The following GPC6 variants were observed in gnomAD, a reference collection of about 807,000 sequenced individuals.
GPC6 encodes the protein glypican-6.
Under a neutral mutation model 55.2 loss-of-function variants are expected in GPC6, and 14 were observed. The observed-to-expected ratio is 0.25, with a 90% CI of 0.17 to 0.40. GPC6 has a LOEUF of 0.40. Among genes scored for constraint, GPC6 ranks in the 10% least tolerant of loss-of-function variants. GPC6 has a pLI of 1.00. For synonymous variants in GPC6, 278 were observed against 259.6 expected, an observed-to-expected ratio of 1.07 and a Z score of -0.68; for missense variants, 641 against 708.5, an observed-to-expected ratio of 0.90 and a Z score of 1.08.
chr13:94,170,552 A>C (rs1888527861), intron 4 of GPC6, among the ~76,000 whole-genome samples: 1 of 152,208 alleles, frequency 6.6e-6, no homozygotes, highest in African/African-American at 2.4e-5. Flanking sequence ...GTTAGCCAGA[A>C]GGCAGAGAAA....
chr13:93,523,030 T>C (rs2389007), intron 1 of GPC6, among the ~76,000 whole-genome samples: 9,627 of 146,776 alleles, frequency 0.066, 956 homozygotes, highest in African/African-American at 0.22. Flanking sequence ...TATATATATA[T>C]ACAAATACAT....
intron 1 of GPC6, among the ~76,000 whole-genome samples, chr13:93,466,147 A>T (rs1878895268): frequency 6.9e-6 from 1 of 145,426 alleles, no homozygotes; most frequent in Non-Finnish European, 1.5e-5. Context: ...TGCCATGAGC[A>T]CATACTGTGT....
chr13:94,373,360 A>G (rs1352987632), intron 6 of GPC6, among the ~76,000 whole-genome samples: 1 of 152,034 alleles, frequency 6.6e-6, no homozygotes, highest in Non-Finnish European at 1.5e-5. Context: ...AATACAGAGA[A>G]GTGCTTAAAG....
rs573627964 is a variant in GPC6, at chr13:94,305,025, A to G, written c.1009-955A>G. Among the ~76,000 whole-genome samples the G allele has an allele frequency of 1.1e-3, 165 of 152,380 alleles. 1 individual carries two copies. Among genetic ancestry groups the G allele is most frequent in the African/African-American group, 3.8e-3 (156 of 41,596 alleles). ...CAATGAAATAATTTGTCATGATAACAGGAATCCCAAACGGATGTTTATAGA... is the reference window on the plus strand; with the variant it reads ...CAATGAAATAATTTGTCATGATAACGGGAATCCCAAACGGATGTTTATAGA... On this transcript the variant is annotated intron_variant, in intron 5 of 8. Transcript: ENST00000377047.
intron 2 of GPC6, among the ~76,000 whole-genome samples, chr13:93,770,624 GGGAT>G (rs1885260491): frequency 6.6e-6 from 1 of 152,140 alleles, no homozygotes; most frequent in Non-Finnish European, 1.5e-5. Flanking sequence ...TGATAGGAGA[GGGAT>G]TCTACCCACC....
At chr13:93,965,449 A>G (rs960678038) in intron 3 of GPC6, among the ~76,000 whole-genome samples, 4 of 152,044 alleles carry the variant, frequency 2.6e-5, no homozygotes, top group Non-Finnish European at 4.4e-5. Flanking sequence ...ATACTTTGCA[A>G]TTCATTCGGT....
Position 93,565,912 on chromosome 13 carries a change from A to T in GPC6, c.319+20491A>T, listed in dbSNP as rs558733971. 4.8e-5 allele frequency among the ~76,000 whole-genome samples: 7 copies of T among 144,730 alleles called. No individual in the cohort carries two copies. In the East Asian group the frequency reaches 1.4e-3, roughly 30 times the overall value. The allele number at this position is 144,730 out of a possible 152,430, so 94.9% of individuals were successfully genotyped here. A position where few individuals can be genotyped will look rare whatever the true frequency, so the allele number is the denominator to read the frequency against. On this transcript the variant is annotated intron_variant, in intron 2 of 8. Coordinates refer to ENST00000377047, the MANE Select transcript of GPC6 (RefSeq NM_005708.5). Reference sequence around the variant, plus strand: ...ATTCCAGCCTGGGTGACAGGGTGAGACTCTGTCTCAAAACAAACAAACAAA... The same window carrying T: ...ATTCCAGCCTGGGTGACAGGGTGAGTCTCTGTCTCAAAACAAACAAACAAA...
intron 2 of GPC6, among the ~76,000 whole-genome samples, chr13:93,573,663 G>C (rs1876518667): frequency 6.6e-6 from 1 of 152,196 alleles, no homozygotes; most frequent in Admixed American, 6.5e-5. Context: ...TCGAGACCTA[G>C]TTCATTAATA....
chr13:93,737,511 T>TCAA (rs1884047204), intron 2 of GPC6, among the ~76,000 whole-genome samples: 1 of 152,118 alleles, frequency 6.6e-6, no homozygotes, highest in Admixed American at 6.6e-5. Flanking sequence ...CAATCAAAGT[T>TCAA]CAACATTCAT....
chr13:93,933,974 G>A (rs1258940021), intron 3 of GPC6, among the ~76,000 whole-genome samples: 4 of 152,118 alleles, frequency 2.6e-5, no homozygotes, highest in Admixed American at 6.6e-5. Context: ...TCCCACACAC[G>A]TATCTCAGGT....
intron 5 of GPC6, among the ~76,000 whole-genome samples, chr13:94,302,782 G>C (rs1875725014): frequency 6.6e-6 from 1 of 152,210 alleles, no homozygotes; most frequent in African/African-American, 2.4e-5. Flanking sequence ...ATGGCGACAA[G>C]CCTCTTGATC....
intron 1 of GPC6, among the ~76,000 whole-genome samples, chr13:93,496,717 C>A (rs1215071561): frequency 6.6e-6 from 1 of 152,178 alleles, no homozygotes; most frequent in African/African-American, 2.4e-5. Context: ...GGGCAACTTA[C>A]TTAATCTCTC....
intron 3 of GPC6, among the ~76,000 whole-genome samples, chr13:94,016,228 T>C (rs1275608315): frequency 1.3e-5 from 2 of 152,236 alleles, no homozygotes; most frequent in Admixed American, 6.5e-5. Context: ...CTTTCTTTTT[T>C]AAAGCTGAAT....
intron 2 of GPC6, among the ~76,000 whole-genome samples, chr13:93,670,012 G>T (rs181961160): frequency 6.6e-6 from 1 of 152,240 alleles, no homozygotes; most frequent in African/African-American, 2.4e-5. Context: ...AGCTTCAGTC[G>T]CTTGAGTACT....
rs543924949 is a variant in GPC6, at chr13:93,241,759, T to G, written c.160+14143T>G. 3.3e-5 allele frequency among the ~76,000 whole-genome samples: 5 copies of G among 152,296 alleles called. No individual in the cohort carries two copies. The South Asian group carries it at 1.0e-3, about 32-fold the overall frequency. ...CTTTTCATATTGCCAGAATTATTTT[T>G]CTGCTTCCTTCTCATCTGGATAGAA... On this transcript the variant is annotated intron_variant, in intron 1 of 8. Coordinates refer to ENST00000377047, the MANE Select transcript of GPC6 (RefSeq NM_005708.5).
chr13:93,946,134 C>T (rs569148760), intron 3 of GPC6, among the ~76,000 whole-genome samples: 1 of 152,140 alleles, frequency 6.6e-6, no homozygotes, highest in Non-Finnish European at 1.5e-5. Context: ...TTTCTAGCTA[C>T]CAGTGTGTCA....
Position 93,274,343 on chromosome 13 carries a change from C to T in GPC6, c.160+46727C>T, listed in dbSNP as rs185360663. On this transcript the variant is annotated intron_variant, in intron 1 of 8. Transcript: ENST00000377047. Reference sequence around the variant, plus strand: ...ATTGGGGGAATGTGGTAGGTTCATTCGGAAAGTGATATGAATGATTTATTG... The same window carrying T: ...ATTGGGGGAATGTGGTAGGTTCATTTGGAAAGTGATATGAATGATTTATTG... 6.6e-5 allele frequency among the ~76,000 whole-genome samples: 10 copies of T among 152,094 alleles called. No individual in the cohort carries two copies. In the East Asian group the frequency reaches 1.9e-3, roughly 29 times the overall value.
At chr13:94,101,480 T>A (rs983639192) in intron 4 of GPC6, among the ~76,000 whole-genome samples, 1 of 152,156 alleles carries the variant, frequency 6.6e-6, no homozygotes, top group Non-Finnish European at 1.5e-5. Flanking sequence ...CTCAGTAGAG[T>A]GCAGTTTAGC....
chr13:94,091,128 GAATA>G (rs1197544016), intron 4 of GPC6, among the ~76,000 whole-genome samples: 2 of 152,066 alleles, frequency 1.3e-5, no homozygotes, highest in Admixed American at 6.6e-5. Context: ...TACTGAACAA[GAATA>G]AATATAGAAA....
Sources: allele counts gnomAD v4.1 joint callset (sites outside exome capture counted in the v4.1 genomes callset), GRCh38; gene constraint gnomAD v4.1.1; transcripts MANE v1.5; gene names NCBI Gene and HGNC (gene_info 2026-07-23, HGNC 2026-07-21).